The following TRPC7 variants were observed in gnomAD, a reference collection of about 807,000 sequenced individuals.
TRPC7 encodes transient receptor potential cation channel subfamily C member 7, also known as short transient receptor potential channel 7.
Under a neutral mutation model 90.1 loss-of-function variants are expected in TRPC7, and 42 were observed. The ratio of observed to expected loss-of-function variants is 0.47; its 90% CI spans 0.36 to 0.60. TRPC7 has a LOEUF of 0.60. Among genes scored for constraint, TRPC7 ranks in the 20% least tolerant of loss-of-function variants. The probability of loss-of-function intolerance (pLI) is 0.00; values close to 1 mark genes in which losing one functional copy is unlikely to be tolerated. For missense variants in TRPC7, 955 were observed against 1,112.3 expected (o/e 0.86, Z 2.01); for synonymous variants, 451 against 436.3 (o/e 1.03, Z -0.42).
At chr5:136,311,332 G>T (rs1758818984) in intron 3 of TRPC7, among the ~76,000 whole-genome samples, 2 of 152,208 alleles carry the variant, frequency 1.3e-5, no homozygotes, top group Admixed American at 1.3e-4. Flanking sequence ...ATGAGAGTGT[G>T]TCTTCTGTTA....
At chr5:136,282,359 A>T (rs1334883344) in intron 3 of TRPC7, among the ~76,000 whole-genome samples, 3 of 152,214 alleles carry the variant, frequency 2.0e-5, no homozygotes, top group Non-Finnish European at 4.4e-5. Flanking sequence ...TAAATTTTCT[A>T]AATTTCTCTT....
At chr5:136,311,057 T>A (rs1244511594) in intron 3 of TRPC7, among the ~76,000 whole-genome samples, 1 of 152,174 alleles carries the variant, frequency 6.6e-6, no homozygotes, top group East Asian at 1.9e-4. Flanking sequence ...TGCTTAGTAG[T>A]GTCCAAAAGA....
chr5:136,362,797 A>G (rs1378254518), intron 1 of TRPC7, among the ~76,000 whole-genome samples: 2 of 152,078 alleles, frequency 1.3e-5, no homozygotes, highest in Non-Finnish European at 2.9e-5. Context: ...TCTTTAGGCT[A>G]TAACTTTTTC....
intron 2 of TRPC7, among the ~76,000 whole-genome samples, chr5:136,324,289 T>C (rs1759281087): frequency 6.6e-6 from 1 of 152,158 alleles, no homozygotes; most frequent in African/African-American, 2.4e-5. Context: ...CTTAAAATGG[T>C]GAGAAAATGC....
intron 2 of TRPC7, among the ~76,000 whole-genome samples, chr5:136,340,701 C>T (rs1315900061): frequency 1.3e-5 from 2 of 151,468 alleles, no homozygotes; most frequent in African/African-American, 4.9e-5. Context: ...GAAAAGAATA[C>T]CATAAAGGAG....
chr5:136,304,953 C>T (rs946171461), intron 3 of TRPC7, among the ~76,000 whole-genome samples: 11 of 146,416 alleles, frequency 7.5e-5, no homozygotes, highest in Non-Finnish European at 1.2e-4. Flanking sequence ...CTCATGTCTG[C>T]GTACAGCAGC....
At chr5:136,274,117 G>A (rs181867395) in intron 4 of TRPC7, among the ~76,000 whole-genome samples, 2 of 152,176 alleles carry the variant, frequency 1.3e-5, no homozygotes, top group African/African-American at 4.8e-5. Context: ...CATCGAAGGG[G>A]CCAGGAAAAC....
At chr5:136,307,010 C>T (rs192730448) in intron 3 of TRPC7, among the ~76,000 whole-genome samples, 11 of 152,244 alleles carry the variant, frequency 7.2e-5, no homozygotes, top group South Asian at 2.1e-4. Flanking sequence ...TCTCTTCACA[C>T]GGACATGCAT....
chr5:136,225,128 T>G, intron 10 of TRPC7, 146 bp downstream of exon 10: 1 of 733,764 alleles, frequency 1.4e-6, no homozygotes, highest in South Asian at 1.9e-5. Flanking sequence ...GTGCCTGACA[T>G]ATAGTAAGTA....
intron 8 of TRPC7, among the ~76,000 whole-genome samples, chr5:136,228,543 G>A (rs529433252): frequency 1.1e-4 from 16 of 151,594 alleles, no homozygotes; most frequent in African/African-American, 2.2e-4. Context: ...GTGCAGTGGC[G>A]GCTGCTGGGG....
In TRPC7 at chr5:136,356,967, G is replaced by C; in HGVS notation, c.421C>G (p.Pro141Ala). Residue 141 changes from proline (P) to alanine (A), a missense_variant, in exon 2 of 12, where the codon CCG becomes GCG. Physicochemically the swap from Pro to Ala is conservative, Grantham distance 27 (BLOSUM62 -1). Around this residue, in one of 4 missense-constraint regions of TRPC7, gnomAD observed 484 missense variants for 509.6 expected, o/e 0.95. Coordinates refer to ENST00000513104, the MANE Select transcript of TRPC7 (RefSeq NM_020389.3). ...FAQGQRLTLS[P>A]LEQELRDDDF... ...TCGTCGCGCAGCTCCTGTTCCAGCG[G>C]GCTGAGCGTCAGGCGCTGGCCCTGC... 1 of 1,612,512 alleles carries C rather than the reference G, an allele frequency of 6.2e-7. No individual in the cohort carries two copies. The highest frequency in any genetic ancestry group is 8.5e-7 in the Non-Finnish European group (1 of 1,179,638).
intron 3 of TRPC7, among the ~76,000 whole-genome samples, chr5:136,289,613 C>T (rs1004609589): frequency 6.6e-6 from 1 of 152,228 alleles, no homozygotes; most frequent in South Asian, 2.1e-4. Context: ...CCTGCCATTG[C>T]CCAGGCTTGA....
chr5:136,231,530 T>A lies in TRPC7; in HGVS notation c.1864A>T (p.Thr622Ser). 3 of 1,598,258 alleles carry A rather than the reference T, an allele frequency of 1.9e-6. No individual in the cohort carries two copies. Among genetic ancestry groups the A allele is most frequent in the Non-Finnish European group, 2.6e-6 (3 of 1,168,718 alleles). Residue 622 changes from threonine to serine, a missense_variant, in exon 8 of 12, where the codon ACT (threonine) becomes TCT (serine). Physicochemically the swap from Thr to Ser is moderately conservative, Grantham distance 58. Around this residue, in one of 4 missense-constraint regions of TRPC7, gnomAD observed 296 missense variants for 422.7 expected, o/e 0.70. Coordinates refer to ENST00000513104, the MANE Select transcript of TRPC7 (RefSeq NM_020389.3). ...AFTTVEESFK[T>S]LFWSIFGLSE... is the part of the protein sequence containing the mutation. ...AAGCCGAATATGGACCAAAACAAAG[T>A]TTTAAAACTTTCTTCAACCCTGCAA... is the stretch of plus-strand genomic sequence containing the variant.
chr5:136,301,508 ATT>A, intron 3 of TRPC7, among the ~76,000 whole-genome samples: 1 of 152,108 alleles, frequency 6.6e-6, no homozygotes, highest in Middle Eastern at 3.4e-3. Context: ...CACCATTGTG[ATT>A]TGTTTCTGCC....
intron 1 of TRPC7, among the ~76,000 whole-genome samples, chr5:136,360,147 A>G (rs1476124777): frequency 6.6e-6 from 1 of 152,232 alleles, no homozygotes; most frequent in Non-Finnish European, 1.5e-5. Context: ...TGACTACTGA[A>G]CCAAGTCATA....
intron 3 of TRPC7, among the ~76,000 whole-genome samples, chr5:136,289,017 G>A (rs543456505): frequency 6.6e-6 from 1 of 152,314 alleles, no homozygotes; most frequent in South Asian, 2.1e-4. Flanking sequence ...GTTACTGCAA[G>A]CAGCTCTTCC....
At chr5:136,316,734 A>C (rs1759037657) in intron 2 of TRPC7, among the ~76,000 whole-genome samples, 1 of 152,228 alleles carries the variant, frequency 6.6e-6, no homozygotes, top group Non-Finnish European at 1.5e-5. Context: ...AGGTTACCTC[A>C]TACCTCTCCT....
At chr5:136,226,339 C>T in intron 8 of TRPC7, 84 bp from the exon 9 acceptor site, 2 of 975,728 alleles carry the variant, frequency 2.0e-6, no homozygotes, top group Non-Finnish European at 3.1e-6. Flanking sequence ...AGACACAGCC[C>T]CAACATTCGG....
intron 9 of TRPC7, 22 bp from the exon 10 acceptor site, chr5:136,225,376 A>G: frequency 6.2e-7 from 1 of 1,605,268 alleles, no homozygotes; most frequent in Non-Finnish European, 8.5e-7. Context: ...AAACAAACCC[A>G]CACACATCAC....
Sources: allele counts gnomAD v4.1 joint callset (sites outside exome capture counted in the v4.1 genomes callset), GRCh38; gene constraint gnomAD v4.1.1; regional missense constraint gnomAD v4.1.1; transcripts MANE v1.5; gene names NCBI Gene and HGNC (gene_info 2026-07-23, HGNC 2026-07-21).